MTCL3: variants seen among roughly 807,000 people sequenced by gnomAD.
MTCL3 encodes the protein microtubule cross-linking factor 3.
At chr6:127,513,148 A>G in the MTCL3 span, 1 of 1,117,916 alleles carries the variant, frequency 8.9e-7, no homozygotes, top group East Asian at 2.6e-5. Context: ...CAATATTTAT[A>G]TGGTGTTTAC....
the MTCL3 span, among the ~76,000 whole-genome samples, chr6:127,511,029 G>A: frequency 6.6e-6 from 1 of 152,304 alleles, no homozygotes; most frequent in Non-Finnish European, 1.5e-5. Context: ...GTCAAATGAG[G>A]TCCTTAGGGA....
At chr6:127,516,105 G>T in the MTCL3 span, 1 of 1,429,472 alleles carries the variant, frequency 7.0e-7, no homozygotes. Context: ...CTCCTTCCCC[G>T]CCCCCTCCTC....
At chr6:127,510,714 C>A in the MTCL3 span, among the ~76,000 whole-genome samples, 2 of 152,186 alleles carry the variant, frequency 1.3e-5, no homozygotes, top group Non-Finnish European at 2.9e-5. Context: ...TATGAGAGAG[C>A]ACAAGTAACG....
chr6:127,516,543 C>T, the MTCL3 span: 1 of 1,599,030 alleles, frequency 6.3e-7, no homozygotes, highest in African/African-American at 1.3e-5. Context: ...GCAGACGAGC[C>T]TCAGTGGCTG....
chr6:127,505,160 A>G, the MTCL3 span, among the ~76,000 whole-genome samples: 2 of 152,214 alleles, frequency 1.3e-5, no homozygotes, highest in African/African-American at 2.4e-5. Flanking sequence ...CCCACATATC[A>G]GGTCTTCAGT....
the MTCL3 span, among the ~76,000 whole-genome samples, chr6:127,486,776 A>T: frequency 6.6e-6 from 1 of 152,210 alleles, no homozygotes; most frequent in African/African-American, 2.4e-5. Flanking sequence ...GCAATGATAT[A>T]AAATGGGTTG....
At chr6:127,516,151 G>C in the MTCL3 span, 5 of 1,445,258 alleles carry the variant, frequency 3.5e-6, no homozygotes, top group Non-Finnish European at 4.5e-6. Flanking sequence ...CCCGAGTTTC[G>C]AGGGCACGGA....
At chr6:127,507,893 C>T in the MTCL3 span, among the ~76,000 whole-genome samples, 1 of 146,012 alleles carries the variant, frequency 6.8e-6, no homozygotes, top group Non-Finnish European at 1.5e-5. Flanking sequence ...ATTCATAACA[C>T]ATGGCAACTT....
chr6:127,473,511 T>G, the MTCL3 span: 1 of 648,544 alleles, frequency 1.5e-6, no homozygotes, highest in Non-Finnish European at 2.4e-6. Context: ...CACCCTCCCT[T>G]AAGCCTATAT....
the MTCL3 span, chr6:127,475,572 G>T: frequency 6.2e-7 from 1 of 1,608,626 alleles, no homozygotes; most frequent in African/African-American, 1.3e-5. The surrounding 1 kb of genome is among the most constrained non-coding windows in gnomAD (Gnocchi z 7.3). Context: ...CCTCCGAGCG[G>T]ATGTCCTTCA....
At chr6:127,510,720 T>C in the MTCL3 span, among the ~76,000 whole-genome samples, 1 of 152,188 alleles carries the variant, frequency 6.6e-6, no homozygotes, top group South Asian at 2.1e-4. Flanking sequence ...AGAGCACAAG[T>C]AACGTATGAA....
the MTCL3 span, among the ~76,000 whole-genome samples, chr6:127,507,859 A>G: frequency 1.3e-3 from 183 of 136,094 alleles, 1 homozygote; most frequent in African/African-American, 3.9e-3. Flanking sequence ...AAAAAAAAAA[A>G]AAAAAAAAAA....
chr6:127,476,101 A>G, the MTCL3 span: 1 of 1,614,110 alleles, frequency 6.2e-7, no homozygotes, highest in Non-Finnish European at 8.5e-7. The surrounding 1 kb of genome is among the most constrained non-coding windows in gnomAD (Gnocchi z 4.4). Context: ...CAGCTCCGAC[A>G]GGGATTCGCT....
the MTCL3 span, among the ~76,000 whole-genome samples, chr6:127,505,868 G>A: frequency 6.6e-6 from 1 of 152,096 alleles, no homozygotes; most frequent in Admixed American, 6.6e-5. Context: ...AGAAATAGCT[G>A]TTAACTGACT....
chr6:127,505,981 A>G, the MTCL3 span, among the ~76,000 whole-genome samples: 16 of 152,204 alleles, frequency 1.1e-4, no homozygotes, highest in Admixed American at 9.8e-4. Flanking sequence ...ACAAAGTAGA[A>G]AATGATATAT....
chr6:127,515,762 C>T, the MTCL3 span: 2 of 1,602,078 alleles, frequency 1.2e-6, no homozygotes, highest in Middle Eastern at 1.7e-4. The surrounding 1 kb of genome is among the most constrained non-coding windows in gnomAD (Gnocchi z 4.3). Context: ...CTACTGCTGC[C>T]GCCGCCGTTC....
chr6:127,500,309 A>T, the MTCL3 span, among the ~76,000 whole-genome samples: 2 of 152,184 alleles, frequency 1.3e-5, no homozygotes, highest in Non-Finnish European at 1.5e-5. Flanking sequence ...TATTTTTTTG[A>T]CTCAATAATT....
chr6:127,491,988 G>T, the MTCL3 span, among the ~76,000 whole-genome samples: 1 of 151,938 alleles, frequency 6.6e-6, no homozygotes, highest in African/African-American at 2.4e-5. Context: ...GAAATGGCGT[G>T]CTGGTTCTGA....
chr6:127,488,095 C>G, the MTCL3 span, among the ~76,000 whole-genome samples: 1 of 152,090 alleles, frequency 6.6e-6, no homozygotes, highest in African/African-American at 2.4e-5. Flanking sequence ...TTTCTTTGCT[C>G]TAGTGTCACA....
Sources: allele counts gnomAD v4.1 joint callset (sites outside exome capture counted in the v4.1 genomes callset), GRCh38; gene constraint gnomAD v4.1.1; non-coding constraint Gnocchi (gnomAD v3.1); transcripts MANE v1.5; gene names NCBI Gene and HGNC (gene_info 2026-07-23, HGNC 2026-07-21).